Variants in ADAMTS12 observed in about 807,000 individuals in gnomAD.
ADAMTS12 encodes the protein ADAM metallopeptidase with thrombospondin type 1 motif 12.
ADAMTS12 carries 118 observed loss-of-function variants against 167.8 expected under a neutral mutation model. That is an observed-to-expected ratio of 0.70 (90% CI 0.61 to 0.82). ADAMTS12 has a LOEUF of 0.82. Ranked by LOEUF, ADAMTS12 falls within the 40% of genes least tolerant of loss-of-function variation. ADAMTS12 has a pLI of 0.00. For missense variants in ADAMTS12, 1,916 were observed against 1,998.8 expected (o/e 0.96, Z 0.79); for synonymous variants, 704 against 716.9 (o/e 0.98, Z 0.29).
At chr5:33,831,130 G>A (rs1748283416) in intron 2 of ADAMTS12, among the ~76,000 whole-genome samples, 1 of 152,058 alleles carries the variant, frequency 6.6e-6, no homozygotes, top group Middle Eastern at 3.2e-3. Context: ...AATAACAATA[G>A]GCAAAAACAA....
chr5:33,883,603 A>G (rs1051358416), intron 1 of ADAMTS12, among the ~76,000 whole-genome samples: 1 of 152,210 alleles, frequency 6.6e-6, no homozygotes, highest in Non-Finnish European at 1.5e-5. Flanking sequence ...AGAGCTACTT[A>G]CATTCATGGA....
At chr5:33,601,285 A>G (rs544275903) in intron 16 of ADAMTS12, among the ~76,000 whole-genome samples, 3 of 152,238 alleles carry the variant, frequency 2.0e-5, no homozygotes, top group African/African-American at 7.2e-5. Context: ...TCAGGATGGC[A>G]AAAGATTATA....
At chr5:33,651,048 T>C (rs1045575720) in intron 7 of ADAMTS12, among the ~76,000 whole-genome samples, 2 of 152,196 alleles carry the variant, frequency 1.3e-5, no homozygotes, top group Non-Finnish European at 2.9e-5. Flanking sequence ...TCTAATCACA[T>C]TCCACATGAA....
intron 3 of ADAMTS12, among the ~76,000 whole-genome samples, chr5:33,714,159 C>T (rs991193812): frequency 6.6e-6 from 1 of 151,964 alleles, no homozygotes; most frequent in African/African-American, 2.4e-5. Flanking sequence ...CTACAGCTGC[C>T]TATATGTTAC....
intron 2 of ADAMTS12, among the ~76,000 whole-genome samples, chr5:33,775,396 A>G (rs1402107769): frequency 6.6e-6 from 1 of 152,140 alleles, no homozygotes; most frequent in Non-Finnish European, 1.5e-5. Flanking sequence ...GAACTTCACT[A>G]TTTTGCTCAC....
intron 13 of ADAMTS12, among the ~76,000 whole-genome samples, chr5:33,625,132 C>A (rs1241900613): frequency 6.6e-6 from 1 of 152,096 alleles, no homozygotes; most frequent in African/African-American, 2.4e-5. Flanking sequence ...AGGTACCACA[C>A]CAGGCTTATT....
At chr5:33,682,470 T>A (rs1031197327) in intron 5 of ADAMTS12, among the ~76,000 whole-genome samples, 1 of 151,742 alleles carries the variant, frequency 6.6e-6, no homozygotes, top group East Asian at 1.9e-4. Flanking sequence ...AGATAACATA[T>A]AAGTCTCTTA....
chr5:33,694,546 G>A (rs1210562560), intron 3 of ADAMTS12, among the ~76,000 whole-genome samples: 1 of 152,164 alleles, frequency 6.6e-6, no homozygotes, highest in Non-Finnish European at 1.5e-5. Context: ...TCGAAAATAA[G>A]AGCCAGCATT....
chr5:33,622,966 C>A (rs1246506829), intron 14 of ADAMTS12, among the ~76,000 whole-genome samples: 1 of 152,100 alleles, frequency 6.6e-6, no homozygotes, highest in African/African-American at 2.4e-5. Flanking sequence ...TTACATCTCA[C>A]AACTTAAGCT....
At chr5:33,584,532 C>T (rs535441605) in intron 18 of ADAMTS12, among the ~76,000 whole-genome samples, 6 of 152,118 alleles carry the variant, frequency 3.9e-5, no homozygotes, top group African/African-American at 7.2e-5. Context: ...CATTTGGGTA[C>T]GACTGATTGA....
intron 17 of ADAMTS12, among the ~76,000 whole-genome samples, chr5:33,592,249 A>T (rs1747681324): frequency 6.7e-6 from 1 of 149,358 alleles, no homozygotes; most frequent in Non-Finnish European, 1.5e-5. Context: ...AAACAAAAAA[A>T]ACAAAAAACA....
intron 3 of ADAMTS12, among the ~76,000 whole-genome samples, chr5:33,697,723 T>C (rs183871809): frequency 2.2e-4 from 34 of 152,344 alleles, no homozygotes; most frequent in African/African-American, 8.2e-4. Flanking sequence ...CTCTCTGCTT[T>C]CTTTTACGTG....
At chr5:33,661,412 C>A (rs1049955475) in intron 6 of ADAMTS12, among the ~76,000 whole-genome samples, 41 of 152,142 alleles carry the variant, frequency 2.7e-4, no homozygotes, top group African/African-American at 8.7e-4. Flanking sequence ...AAAGATGTAA[C>A]CAAACCAGTC....
intron 19 of ADAMTS12, among the ~76,000 whole-genome samples, chr5:33,569,727 T>A (rs539023698): frequency 6.6e-6 from 1 of 152,076 alleles, no homozygotes; most frequent in African/African-American, 2.4e-5. Context: ...TCACCAGCAA[T>A]GGAACAAAGC....
At chr5:33,652,609 C>T (rs1740906072) in intron 7 of ADAMTS12, among the ~76,000 whole-genome samples, 1 of 152,030 alleles carries the variant, frequency 6.6e-6, no homozygotes, top group East Asian at 1.9e-4. Context: ...ATTTCTTTTG[C>T]TGTGTAGAAG....
intron 18 of ADAMTS12, among the ~76,000 whole-genome samples, chr5:33,587,244 A>G (rs1482770424): frequency 6.6e-6 from 1 of 152,116 alleles, no homozygotes; most frequent in Non-Finnish European, 1.5e-5. Context: ...CAAATTTTAG[A>G]ATTTTTCTTT....
intron 3 of ADAMTS12, among the ~76,000 whole-genome samples, chr5:33,725,373 A>C (rs907958093): frequency 2.0e-5 from 3 of 152,168 alleles, no homozygotes; most frequent in African/African-American, 4.8e-5. Flanking sequence ...TTGGTGCAAG[A>C]GCCAGCTGTT....
intron 23 of ADAMTS12, among the ~76,000 whole-genome samples, chr5:33,533,402 G>C (rs945326620): frequency 6.6e-6 from 1 of 152,180 alleles, no homozygotes; most frequent in Non-Finnish European, 1.5e-5. Flanking sequence ...AGAACGAGGT[G>C]CTTCTCAAAC....
chr5:33,568,804 G>A lies in ADAMTS12; in HGVS notation c.3972+7250C>T, dbSNP rs532121646. ...AGCAGGGCGAGGTATTGCCTCACTC[G>A]GGAAGCGCAAGGGGTCAGGGAGTTC... On this transcript the variant is annotated intron_variant, in intron 19 of 23. Transcript: ENST00000504830. Among the ~76,000 whole-genome samples, 11 of 152,352 alleles carry A rather than the reference G, an allele frequency of 7.2e-5. No individual in the cohort carries two copies. The South Asian group carries it at 1.2e-3, about 17-fold the overall frequency.
Sources: gnomAD v4.1 joint callset for allele counts (sites outside exome capture counted in the v4.1 genomes callset) on GRCh38, gnomAD v4.1.1 for gene constraint, MANE v1.5 for transcripts, NCBI Gene and HGNC (gene_info 2026-07-23, HGNC 2026-07-21) for gene names.